Variants in CAMK2D observed in about 807,000 individuals in gnomAD.
The protein encoded by CAMK2D is calcium/calmodulin-dependent protein kinase type II subunit delta.
A neutral mutation model predicts 84.0 loss-of-function variants in CAMK2D; 37 were observed. The observed-to-expected ratio is 0.44, with a 90% CI of 0.34 to 0.58. The LOEUF is 0.58. Ranked by LOEUF, CAMK2D falls within the 20% of genes least tolerant of loss-of-function variation. CAMK2D has a pLI of 0.02. For synonymous variants in CAMK2D, 202 were observed against 212.5 expected (o/e 0.95, Z 0.43); for missense variants, 448 against 652.5 (o/e 0.69, Z 3.41).
At chr4:113,627,656 A>C (rs1361904311) in intron 3 of CAMK2D, among the ~76,000 whole-genome samples, 1 of 152,220 alleles carries the variant, frequency 6.6e-6, no homozygotes, top group Non-Finnish European at 1.5e-5. Context: ...ACAGCACTGC[A>C]GCTTTATATT....
At chr4:113,612,472 G>A (rs141244835) in intron 3 of CAMK2D, among the ~76,000 whole-genome samples, 2 of 152,094 alleles carry the variant, frequency 1.3e-5, no homozygotes, top group South Asian at 2.1e-4. Context: ...CAAGACTGAC[G>A]GCATGGCTGG....
intron 2 of CAMK2D, among the ~76,000 whole-genome samples, chr4:113,685,430 G>A (rs2099357106): frequency 6.6e-6 from 1 of 151,612 alleles, no homozygotes; most frequent in African/African-American, 2.4e-5. Flanking sequence ...GGTAGAGATG[G>A]GGTTTCACCA....
intron 16 of CAMK2D, among the ~76,000 whole-genome samples, chr4:113,498,365 T>C (rs950067512): frequency 6.6e-6 from 1 of 152,140 alleles, no homozygotes; most frequent in Non-Finnish European, 1.5e-5. Context: ...TGTCTTCTAG[T>C]CTTAAAGGTT....
chr4:113,484,383 C>T (rs2097741906), intron 16 of CAMK2D, among the ~76,000 whole-genome samples: 1 of 152,164 alleles, frequency 6.6e-6, no homozygotes, highest in Admixed American at 6.5e-5. Context: ...TTGATCTTCT[C>T]TGAAAGGAGG....
chr4:113,490,163 A>C (rs2097816651), intron 16 of CAMK2D, among the ~76,000 whole-genome samples: 2 of 145,426 alleles, frequency 1.4e-5, no homozygotes, highest in Admixed American at 6.8e-5. Context: ...CCCATTTGTC[A>C]ATTTTGGCTT....
At chr4:113,603,773 T>TATATATATATATATATATATATATA (rs2098964722) in intron 4 of CAMK2D, among the ~76,000 whole-genome samples, 1 of 127,994 alleles carries the variant, frequency 7.8e-6, no homozygotes, top group African/African-American at 3.3e-5. Flanking sequence ...TCTTGCTATT[T>TATATATATATATATATATATATATA]TATATATATA....
At chr4:113,740,726 C>T (rs991040793) in intron 2 of CAMK2D, among the ~76,000 whole-genome samples, 1 of 152,024 alleles carries the variant, frequency 6.6e-6, no homozygotes, top group African/African-American at 2.4e-5. Context: ...ACCTCACAAC[C>T]TTTCCATCAG....
chr4:113,725,112 T>C (rs907184260), intron 2 of CAMK2D, among the ~76,000 whole-genome samples: 2 of 152,072 alleles, frequency 1.3e-5, no homozygotes, highest in African/African-American at 4.8e-5. Context: ...AGGCTTAAGA[T>C]GTGCAACTAG....
At chr4:113,512,298 G>A (rs1033424607) in intron 12 of CAMK2D, among the ~76,000 whole-genome samples, 36 of 152,322 alleles carry the variant, frequency 2.4e-4, no homozygotes, top group African/African-American at 8.4e-4. Context: ...ATTTCTTGGA[G>A]TAATATATAC....
intron 16 of CAMK2D, among the ~76,000 whole-genome samples, chr4:113,492,713 C>T (rs966195462): frequency 3.4e-5 from 5 of 147,476 alleles, no homozygotes; most frequent in African/African-American, 1.3e-4. Flanking sequence ...CTTTCTGTCT[C>T]GTTGATCTGT....
intron 16 of CAMK2D, among the ~76,000 whole-genome samples, chr4:113,490,175 T>G: frequency 6.8e-6 from 1 of 147,098 alleles, no homozygotes; most frequent in Non-Finnish European, 1.5e-5. Flanking sequence ...TTTTGGCTTT[T>G]GTTGCCATTG....
chr4:113,661,608 T>G, intron 3 of CAMK2D, 105 bp downstream of exon 3: 1 of 529,636 alleles, frequency 1.9e-6, no homozygotes, highest in East Asian at 3.1e-5. Flanking sequence ...AACCTATTTT[T>G]TAAAAGTTAT....
intron 8 of CAMK2D, 89 bp from the exon 9 acceptor site, chr4:113,517,746 G>A (rs2098303364): frequency 1.5e-6 from 1 of 668,048 alleles, no homozygotes; most frequent in Non-Finnish European, 2.7e-6. Flanking sequence ...TTAAGCCGTA[G>A]TTGTTAAAAC....
intron 3 of CAMK2D, among the ~76,000 whole-genome samples, chr4:113,626,684 C>T (rs1412401441): frequency 2.0e-5 from 3 of 152,182 alleles, no homozygotes; most frequent in Non-Finnish European, 4.4e-5. Flanking sequence ...GCAAAGTAGA[C>T]AGCGGATCTG....
chr4:113,675,446 A>G (rs112722335), intron 2 of CAMK2D, among the ~76,000 whole-genome samples: 1 of 152,230 alleles, frequency 6.6e-6, no homozygotes, highest in African/African-American at 2.4e-5. Flanking sequence ...GAGAATGATA[A>G]AAGTTTACAA....
At chr4:113,733,884 T>C (rs924157873) in intron 2 of CAMK2D, among the ~76,000 whole-genome samples, 23 of 152,144 alleles carry the variant, frequency 1.5e-4, no homozygotes, top group Non-Finnish European at 2.9e-5. Context: ...CACAAACTAA[T>C]TTTGCTCATG....
intron 16 of CAMK2D, among the ~76,000 whole-genome samples, chr4:113,484,288 A>G (rs566453522): frequency 6.6e-6 from 1 of 152,268 alleles, no homozygotes; most frequent in South Asian, 2.1e-4. Flanking sequence ...CACTTCTCTT[A>G]TAGATGACTA....
intron 2 of CAMK2D, among the ~76,000 whole-genome samples, chr4:113,694,198 AG>A (rs2099396368): frequency 6.6e-6 from 1 of 152,190 alleles, no homozygotes; most frequent in Admixed American, 6.5e-5. Flanking sequence ...CTCAAACTTT[AG>A]GAGTTTCCCT....
chr4:113,458,755 C>A (rs562884995), intron 18 of CAMK2D, among the ~76,000 whole-genome samples: 1 of 152,158 alleles, frequency 6.6e-6, no homozygotes, highest in African/African-American at 2.4e-5. Context: ...CATCTTAATT[C>A]GAAAATCCAT....
Sources: gnomAD v4.1 joint callset for allele counts (sites outside exome capture counted in the v4.1 genomes callset) on GRCh38, gnomAD v4.1.1 for gene constraint, MANE v1.5 for transcripts, NCBI Gene and HGNC (gene_info 2026-07-23, HGNC 2026-07-21) for gene names.